Variants in COL11A2 observed in about 807,000 individuals in gnomAD.
COL11A2 encodes collagen type XI alpha 2 chain.
A neutral mutation model predicts 273.4 loss-of-function variants in COL11A2; 116 were observed. The ratio of observed to expected loss-of-function variants is 0.42; its 90% CI spans 0.36 to 0.49. COL11A2 has a LOEUF of 0.49. Ranked by LOEUF, COL11A2 falls within the 20% of genes least tolerant of loss-of-function variation. COL11A2 has a pLI of 0.00. For synonymous variants in COL11A2, 782 were observed against 864.2 expected (o/e 0.90, Z 1.67); for missense variants, 1,866 against 2,309.0 (o/e 0.81, Z 3.93).
At position 33,177,186 on chromosome 6, in the gene COL11A2, C is replaced by T. The variant is rs1771029247; in HGVS notation, c.2011G>A (p.Glu671Lys). 6.2e-7 allele frequency: 1 copy of T among 1,612,936 alleles called. No individual in the cohort carries two copies. Among genetic ancestry groups the T allele is most frequent in the African/African-American group, 1.3e-5 (1 of 74,922 alleles). The change falls in exon 24 of 66, where the codon GAG (glutamate) becomes AAG (lysine). Residue 671 changes from glutamate (E) to lysine (K), a missense_variant. Glu to Lys is a moderately conservative substitution (Grantham distance 56). Transcript: ENST00000341947. The surrounding 1 kb of genome is among the most constrained non-coding windows in gnomAD (Gnocchi z 5.9). Reference protein sequence around the residue: ...GPQGAIGPHGEKGPQGKPGLP... With the variant: ...GPQGAIGPHGKKGPQGKPGLP... ...CAAATCACTTAGTCACTTACCTTCT[C>T]TCCATGAGGGCCGATGGCACCCTGG...
rs542033392 is a variant in COL11A2 at position 33,190,409 on chromosome 6, C to G, written c.83-940G>C. Among the ~76,000 whole-genome samples the G allele has an allele frequency of 6.6e-5, 10 of 152,260 alleles. No homozygotes were observed. The East Asian group carries it at 9.6e-4, about 15-fold the overall frequency. On this transcript the variant is annotated intron_variant, in intron 1 of 65. Coordinates refer to ENST00000341947, the MANE Select transcript of COL11A2 (RefSeq NM_080680.3). This position sits in a 1 kb window ranked among gnomAD's most constrained non-coding sequence, Gnocchi z 4.5. ...TCAAGATCCAGCCCACCAGCCCTGTCTAACTAGAACTCAGCTTCCTAGGGC... is the reference window on the plus strand; with the variant it reads ...TCAAGATCCAGCCCACCAGCCCTGTGTAACTAGAACTCAGCTTCCTAGGGC...
chr6:33,187,580 T>C (rs1193789629), intron 4 of COL11A2, among the ~76,000 whole-genome samples: 1 of 151,850 alleles, frequency 6.6e-6, no homozygotes, highest in African/African-American at 2.4e-5. Context: ...AATGGGAGCA[T>C]TGATAAATAG....
intron 4 of COL11A2, among the ~76,000 whole-genome samples, chr6:33,187,391 C>A (rs1240012003): frequency 1.3e-5 from 2 of 152,190 alleles, no homozygotes; most frequent in African/African-American, 4.8e-5. Flanking sequence ...TTTCCAGAGC[C>A]CACCTGGGAG....
chr6:33,186,334 C>T, intron 5 of COL11A2: 1 of 1,309,772 alleles, frequency 7.6e-7, no homozygotes. Flanking sequence ...ACCCCTCTCC[C>T]ACTGTCTCCC....
chr6:33,166,664 C>A lies in COL11A2; in HGVS notation c.4338+56G>T. 2 of 1,611,146 alleles carry A rather than the reference C, an allele frequency of 1.2e-6. No homozygotes were observed. On this transcript the variant is annotated intron_variant, in intron 59 of 65. Transcript: ENST00000341947. This position sits in a 1 kb window ranked among gnomAD's most constrained non-coding sequence, Gnocchi z 4.8. ...AGCTGAGTCCCAACTCCAACTCCACCCCTCTCCACCCCACTCTCAACCCCC... is the reference window on the plus strand; with the variant it reads ...AGCTGAGTCCCAACTCCAACTCCACACCTCTCCACCCCACTCTCAACCCCC...
At chr6:33,185,257 G>A (rs548942232) in intron 6 of COL11A2, among the ~76,000 whole-genome samples, 54 of 152,178 alleles carry the variant, frequency 3.5e-4, no homozygotes, top group Non-Finnish European at 6.6e-4. Context: ...AGGTTTGGGG[G>A]CAGAGATCTG....
chr6:33,167,050 CGT>C lies in COL11A2; in HGVS notation c.4230+18_4230+19del, dbSNP rs778109403. The stretch of plus-strand genomic sequence containing the variant: ...GGGTGATGGGAGAGACACCTGGCCA[CGT>C]GTCTGTCTGTCACTCACCTTCTCTC... On this transcript the variant is annotated intron_variant, in intron 58 of 65. Transcript: ENST00000341947. This position sits in a 1 kb window ranked among gnomAD's most constrained non-coding sequence, Gnocchi z 6.1. 6.2e-7 allele frequency: 1 copy of C among 1,612,888 alleles called. No homozygotes were observed. The highest frequency in any genetic ancestry group is 1.7e-5 in the Admixed American group (1 of 60,016).
rs746459883 is a variant in COL11A2, at chr6:33,177,483, G to T, written c.1918-18C>A. The T allele has an allele frequency of 6.2e-7, 1 of 1,612,682 alleles. No homozygotes were observed. The highest frequency in any genetic ancestry group is 1.7e-5 in the Admixed American group (1 of 59,978). On this transcript the variant is annotated intron_variant, in intron 22 of 65. Coordinates refer to ENST00000341947, the MANE Select transcript of COL11A2 (RefSeq NM_080680.3). This position sits in a 1 kb window ranked among gnomAD's most constrained non-coding sequence, Gnocchi z 5.9. ...TGGGGTCCCTAGAAACAGGTGACCA[G>T]GCACAGGTCAGAAGGAGATGGAGAT...
rs369492483 is a variant in COL11A2 at position 33,189,695 on chromosome 6, CCT to C, written c.83-228_83-227del. On this transcript the variant is annotated intron_variant, in intron 1 of 65. Coordinates refer to ENST00000341947, the MANE Select transcript of COL11A2 (RefSeq NM_080680.3). This position sits in a 1 kb window ranked among gnomAD's most constrained non-coding sequence, Gnocchi z 5.6. Reference sequence around the variant, plus strand: ...CATTCAACCCCATGACACTCCTGCCCCTGTCTCTCCTAGCATCTGCCTCTCTT... The same window carrying C: ...CATTCAACCCCATGACACTCCTGCCCGTCTCTCCTAGCATCTGCCTCTCTT... Among the ~76,000 whole-genome samples, 244 of 152,278 alleles carry C rather than the reference CCT, an allele frequency of 1.6e-3. 6 individuals carry two copies. The South Asian group carries it at 0.034, about 21-fold the overall frequency.
rs764399675 is a variant in COL11A2, at chr6:33,190,992, T to G, written c.82+1167A>C. ...TGGTAGCCCCATTACCCTCCACCAC[T>G]CTACCTCTGGCCCCCCAAATGCCTT... On this transcript the variant is annotated intron_variant, in intron 1 of 65. Coordinates refer to ENST00000341947, the MANE Select transcript of COL11A2 (RefSeq NM_080680.3). This position sits in a 1 kb window ranked among gnomAD's most constrained non-coding sequence, Gnocchi z 4.5. Among the ~76,000 whole-genome samples, 3 of 151,938 alleles carry G rather than the reference T, an allele frequency of 2.0e-5. No homozygotes were observed. The highest frequency in any genetic ancestry group is 2.9e-5 in the Non-Finnish European group (2 of 67,962).
Position 33,167,742 on chromosome 6 carries a change from A to T in COL11A2, c.4014+57T>A. 2 of 1,602,498 alleles carry T rather than the reference A, an allele frequency of 1.2e-6. No homozygotes were observed. The highest frequency in any genetic ancestry group is 1.7e-6 in the Non-Finnish European group (2 of 1,171,972). On this transcript the variant is annotated intron_variant, in intron 55 of 65. Coordinates refer to ENST00000341947, the MANE Select transcript of COL11A2 (RefSeq NM_080680.3). The surrounding 1 kb of genome is among the most constrained non-coding windows in gnomAD (Gnocchi z 6.1). ...GGGGTGGGCATCTGGAGACGGAGGC[A>T]TCTGAGGGGTGGGAGGCGGAGGGGA...
rs753093813 is a variant in COL11A2 at position 33,170,146 on chromosome 6, C to A, written c.3583-46G>T. 21 of 1,611,796 alleles carry A rather than the reference C, an allele frequency of 1.3e-5. No individual in the cohort carries two copies. The African/African-American group carries it at 2.7e-4, about 21-fold the overall frequency. Reference sequence around the variant, plus strand: ...GGTGTCATTGCTTAGGATGGAGGTGCCATTTCAGGGGCAAAGTCCCAGATG... The same window carrying A: ...GGTGTCATTGCTTAGGATGGAGGTGACATTTCAGGGGCAAAGTCCCAGATG... On this transcript the variant is annotated intron_variant, in intron 48 of 65. Transcript: ENST00000341947. The surrounding 1 kb of genome is among the most constrained non-coding windows in gnomAD (Gnocchi z 4.3).
At chr6:33,187,416 A>G (rs1428395195) in intron 4 of COL11A2, among the ~76,000 whole-genome samples, 1 of 152,160 alleles carries the variant, frequency 6.6e-6, no homozygotes, top group Non-Finnish European at 1.5e-5. Flanking sequence ...TGGGGGTGAT[A>G]GAGACTTTAT....
intron 10 of COL11A2, 43 bp downstream of exon 10, chr6:33,180,921 G>T (rs1771649511): frequency 1.9e-6 from 3 of 1,611,136 alleles, no homozygotes; most frequent in East Asian, 2.2e-5. Flanking sequence ...CATAGAAGGG[G>T]TTTCTAAGAA....
At chr6:33,186,317 A>C (rs1772417140) in intron 5 of COL11A2, 1 of 1,170,998 alleles carries the variant, frequency 8.5e-7, no homozygotes, top group Non-Finnish European at 1.1e-6. Flanking sequence ...CTGCCTCCCC[A>C]GCTCTCACCC....
At position 33,163,928 on chromosome 6, in the gene COL11A2, G is replaced by T; in HGVS notation, c.5071-110C>A. On this transcript the variant is annotated intron_variant, in intron 65 of 65. Coordinates refer to ENST00000341947, the MANE Select transcript of COL11A2 (RefSeq NM_080680.3). The surrounding 1 kb of genome is among the most constrained non-coding windows in gnomAD (Gnocchi z 4.1). ...CTGAGCACCTTGGCCCCATCAGGGTGACTCAGGATGTACAGACTGGCAGTG... is the reference window on the plus strand; with the variant it reads ...CTGAGCACCTTGGCCCCATCAGGGTTACTCAGGATGTACAGACTGGCAGTG... The T allele has an allele frequency of 1.3e-6, 2 of 1,504,968 alleles. No individual in the cohort carries two copies. The highest frequency in any genetic ancestry group is 2.3e-5 in the South Asian group (2 of 87,644). The allele number at this position is 1,504,968 out of a possible 1,614,324, so 93.2% of individuals were successfully genotyped here.
At chr6:33,188,277 G>C in intron 4 of COL11A2, 85 bp downstream of exon 4, 1 of 1,496,036 alleles carries the variant, frequency 6.7e-7, no homozygotes, top group East Asian at 2.3e-5. Flanking sequence ...CTAGGGAATA[G>C]GAAGATGACA....
At chr6:33,168,480 G>A (rs1382301252) in intron 54 of COL11A2, 39 bp downstream of exon 54, 6 of 1,611,036 alleles carry the variant, frequency 3.7e-6, no homozygotes, top group Non-Finnish European at 5.1e-6. Context: ...CACAGCCCAG[G>A]GACTGCCTCC....
At chr6:33,185,400 T>G (rs1008859768) in intron 6 of COL11A2, among the ~76,000 whole-genome samples, 2 of 151,604 alleles carry the variant, frequency 1.3e-5, no homozygotes, top group African/African-American at 4.9e-5. Flanking sequence ...AAGCCTGCAG[T>G]TGGAGAGGGC....
Sources: allele counts gnomAD v4.1 joint callset (sites outside exome capture counted in the v4.1 genomes callset), GRCh38; gene constraint gnomAD v4.1.1; non-coding constraint Gnocchi (gnomAD v3.1); transcripts MANE v1.5; gene names NCBI Gene and HGNC (gene_info 2026-07-23, HGNC 2026-07-21).